ZMIZ2: variants seen among roughly 807,000 people sequenced by gnomAD.
ZMIZ2 encodes zinc finger MIZ domain-containing protein 2.
Under a neutral mutation model 93.9 loss-of-function variants are expected in ZMIZ2, and 26 were observed. That is an observed-to-expected ratio of 0.28 (90% CI 0.20 to 0.38). The LOEUF (loss-of-function observed/expected upper bound fraction) is 0.38, where lower values mean the gene tolerates loss of function less well. ZMIZ2 is among the 10% of genes least tolerant of loss of function. The pLI is 1.00. For missense variants in ZMIZ2, 1,023 were observed against 1,235.0 expected (o/e 0.83, Z 2.57); for synonymous variants, 485 against 516.4 (o/e 0.94, Z 0.82).
In ZMIZ2 at chr7:44,766,533, C is replaced by T. The variant is rs1373219323; in HGVS notation, c.2525C>T (p.Pro842Leu). ...GPQLHHSNPPPASRQSLGQAS... is the reference protein window; with the variant it reads ...GPQLHHSNPPLASRQSLGQAS... ...CAGCTGCACCATTCAAACCCTCCCC[C>T]AGCGTCCCGGCAGTCCTTGGGCCAA... Residue 842 changes from proline (P) to leucine (L), a missense_variant, in exon 18 of 19, where the codon CCA (proline) becomes CTA (leucine). Physicochemically the swap from Pro to Leu is moderately conservative, Grantham distance 98 (BLOSUM62 -3). Transcript: ENST00000309315. This position sits in a 1 kb window ranked among gnomAD's most constrained non-coding sequence, Gnocchi z 4.4. 1.2e-6 allele frequency: 2 copies of T among 1,614,104 alleles called. No homozygotes were observed. The highest frequency in any genetic ancestry group is 2.2e-5 in the East Asian group (1 of 44,884).
At chr7:44,764,235 A>G (rs910524952) in intron 13 of ZMIZ2, among the ~76,000 whole-genome samples, 184 bp from the exon 14 acceptor site, 4 of 152,176 alleles carry the variant, frequency 2.6e-5, no homozygotes, top group Non-Finnish European at 5.9e-5. Context: ...TCTCAGTGAG[A>G]GCTGTTTGGG....
At chr7:44,759,260 G>T in intron 6 of ZMIZ2, 21 bp from the exon 7 acceptor site, 2 of 1,475,652 alleles carry the variant, frequency 1.4e-6, no homozygotes, top group South Asian at 1.4e-5. Flanking sequence ...TCTCCCCTCG[G>T]GCATTTTGCC....
rs1190489145 is a variant in ZMIZ2 at position 44,765,552 on chromosome 7, C to T, written c.2215C>T (p.Pro739Ser). 5.8e-6 allele frequency: 8 copies of T among 1,386,276 alleles called. No homozygotes were observed. The highest frequency in any genetic ancestry group is 1.5e-5 in the African/African-American group (1 of 67,328). The allele number at this position is 1,386,276 out of a possible 1,614,324, so 85.9% of individuals were successfully genotyped here. A position where few individuals can be genotyped will look rare whatever the true frequency, so the allele number is the denominator to read the frequency against. The change falls in exon 16 of 19, where the codon CCT (proline) becomes TCT (serine). Residue 739 changes from proline to serine, a missense_variant. Physicochemically the swap from Pro to Ser is moderately conservative, Grantham distance 74. Around this residue, in one of 3 missense-constraint regions of ZMIZ2, gnomAD observed 319 missense variants for 358.8 expected, o/e 0.89. Coordinates refer to ENST00000309315, the MANE Select transcript of ZMIZ2 (RefSeq NM_031449.4). This position sits in a 1 kb window ranked among gnomAD's most constrained non-coding sequence, Gnocchi z 4.1. ...PFAPLQPPSV[P>S]APSDYPGQGS... is the part of the protein sequence containing the mutation. Reference sequence around the variant, plus strand: ...TGCCCCCCTGCAGCCCCCCTCAGTCCCTGCCCCCAGCGACTACCCTGGCCA... The same window carrying T: ...TGCCCCCCTGCAGCCCCCCTCAGTCTCTGCCCCCAGCGACTACCCTGGCCA...
Position 44,760,345 on chromosome 7 carries a change from C to T in ZMIZ2, c.1072-80C>T, listed in dbSNP as rs571170571. ...CCTGTCCACCTCTGTTATCATGGTT[C>T]CCAGTGGGTGCGCCGTGAACAGACT... On this transcript the variant is annotated intron_variant, in intron 8 of 18. Coordinates refer to ENST00000309315, the MANE Select transcript of ZMIZ2 (RefSeq NM_031449.4). 2.4e-5 allele frequency: 38 copies of T among 1,578,782 alleles called. No homozygotes were observed. In the South Asian group the frequency reaches 4.2e-4, roughly 17 times the overall value.
Position 44,763,140 on chromosome 7 carries a change from G to A in ZMIZ2, c.1703-116G>A. On this transcript the variant is annotated intron_variant, in intron 12 of 18. Coordinates refer to ENST00000309315, the MANE Select transcript of ZMIZ2 (RefSeq NM_031449.4). This position sits in a 1 kb window ranked among gnomAD's most constrained non-coding sequence, Gnocchi z 5.6. ...GTAGGGGCAGTGGTTAGTTCCAGGT[G>A]GCCCCTCAGAGCTGTCAGTGGGTCA... 6.7e-7 allele frequency: 1 copy of A among 1,486,480 alleles called. No individual in the cohort carries two copies. The highest frequency in any genetic ancestry group is 1.3e-5 in the South Asian group (1 of 79,872). The allele number at this position is 1,486,480 out of a possible 1,614,324, so 92.1% of individuals were successfully genotyped here. A position where few individuals can be genotyped will look rare whatever the true frequency, so the allele number is the denominator to read the frequency against.
chr7:44,769,550 C>G lies in ZMIZ2; in HGVS notation c.*1927C>G, dbSNP rs1367240650. ...GTCGCTGGGTGCGGAGACAGCCTGG[C>G]AAAGTCCCACTCAGCCATGGCCTGA... On this transcript the variant is annotated 3_prime_UTR_variant, in exon 19 of 19. Coordinates refer to ENST00000309315, the MANE Select transcript of ZMIZ2 (RefSeq NM_031449.4). The G allele has an allele frequency of 1.3e-5, 2 of 152,738 alleles. No homozygotes were observed. The highest frequency in any genetic ancestry group is 2.9e-5 in the Non-Finnish European group (2 of 68,128). 9.5% of individuals were successfully genotyped at this position (152,738 alleles called of 1,614,324 possible).
In ZMIZ2 at chr7:44,765,344, T is replaced by C. The variant is rs992242257; in HGVS notation, c.2007T>C (p.Tyr669=). The C allele has an allele frequency of 1.9e-6, 3 of 1,613,304 alleles. No homozygotes were observed. Among genetic ancestry groups the C allele is most frequent in the Admixed American group, 3.3e-5 (2 of 60,002 alleles). ...ACCTGTCCCTGCCCAGCTCTGACTATGAGGAGATCACCATCGACCCCACGT... is the reference window on the plus strand; with the variant it reads ...ACCTGTCCCTGCCCAGCTCTGACTACGAGGAGATCACCATCGACCCCACGT... ...GILIYIQNSD[Y]EEITIDPTCS... Residue 669 remains tyrosine, a synonymous_variant, in exon 16 of 19, where the codon TAT becomes TAC. Coordinates refer to ENST00000309315, the MANE Select transcript of ZMIZ2 (RefSeq NM_031449.4). The surrounding 1 kb of genome is among the most constrained non-coding windows in gnomAD (Gnocchi z 4.1).
intron 3 of ZMIZ2, 62 bp downstream of exon 3, chr7:44,756,601 T>C: frequency 6.5e-7 from 1 of 1,528,440 alleles, no homozygotes; most frequent in Non-Finnish European, 9.1e-7. Flanking sequence ...TGGCAGTGCT[T>C]AGTGCCTCCT....
chr7:44,764,710 C>T (rs1353901061), intron 14 of ZMIZ2, among the ~76,000 whole-genome samples: 1 of 152,224 alleles, frequency 6.6e-6, no homozygotes, highest in Non-Finnish European at 1.5e-5. Context: ...AGGGTCACCA[C>T]ATGCACAGGA....
intron 6 of ZMIZ2, 21 bp from the exon 7 acceptor site, chr7:44,759,252 TCCCCTCGG>T: frequency 1.4e-6 from 2 of 1,465,206 alleles, no homozygotes; most frequent in African/African-American, 1.5e-5. Context: ...GCCTTTTTTC[TCCCCTCGG>T]GCATTTTGCC....
rs373673708 is a variant in ZMIZ2, at chr7:44,758,056, C to T, written c.761C>T (p.Pro254Leu). Reference protein sequence around the residue: ...QRLPQHGYPGPPQAQPLPRQG... With the variant: ...QRLPQHGYPGLPQAQPLPRQG... ...CTGCCCCAACATGGGTATCCTGGGC[C>T]TCCCCAGGCCCAGCCACTGCCCCGA... The change falls in exon 6 of 19, where the codon CCT (proline) becomes CTT (leucine). Residue 254 changes from proline to leucine, a missense_variant. This residue lies in a region of ZMIZ2 where 656 missense variants were observed against 777.1 expected (regional missense o/e 0.84). Coordinates refer to ENST00000309315, the MANE Select transcript of ZMIZ2 (RefSeq NM_031449.4). The T allele has an allele frequency of 6.2e-7, 1 of 1,603,278 alleles. No individual in the cohort carries two copies. The highest frequency in any genetic ancestry group is 8.5e-7 in the Non-Finnish European group (1 of 1,175,394).
intron 6 of ZMIZ2, among the ~76,000 whole-genome samples, chr7:44,758,548 G>T (rs1269134428): frequency 1.3e-5 from 2 of 151,986 alleles, no homozygotes; most frequent in East Asian, 3.9e-4. Flanking sequence ...GGCTGAGGCA[G>T]GTGGATCACT....
rs1360360938 is a variant in ZMIZ2, at chr7:44,748,961, A to G, written c.-93A>G. On this transcript the variant is annotated 5_prime_UTR_variant, in exon 1 of 19. Coordinates refer to ENST00000309315, the MANE Select transcript of ZMIZ2 (RefSeq NM_031449.4). ...GGAGCGGCGCGGGCCGGGGGCCGCC[A>G]CGGCGAGGGGCCGGGCCAGGCCGGG... 1 of 148,830 alleles carries G rather than the reference A, an allele frequency of 6.7e-6. No individual in the cohort carries two copies. The highest frequency in any genetic ancestry group is 6.7e-5 in the Admixed American group (1 of 14,902). The allele number at this position is 148,830 out of a possible 1,614,324, so 9.2% of individuals were successfully genotyped here.
At position 44,765,217 on chromosome 7, in the gene ZMIZ2, G is replaced by A. The variant is rs1422628960; in HGVS notation, c.1998-118G>A. Reference sequence around the variant, plus strand: ...CTGCTCGATGTGGAAGGTGCTGGGTGGAAGCAAGCATTTGAGTGGGGGAAC... The same window carrying A: ...CTGCTCGATGTGGAAGGTGCTGGGTAGAAGCAAGCATTTGAGTGGGGGAAC... On this transcript the variant is annotated intron_variant, in intron 15 of 18. Transcript: ENST00000309315. The surrounding 1 kb of genome is among the most constrained non-coding windows in gnomAD (Gnocchi z 4.1). 1 of 1,546,734 alleles carries A rather than the reference G, an allele frequency of 6.5e-7. No homozygotes were observed. Among genetic ancestry groups the A allele is most frequent in the South Asian group, 1.2e-5 (1 of 81,546 alleles).
rs746170103 is a variant in ZMIZ2 at position 44,766,629 on chromosome 7, C to T, written c.2621C>T (p.Ser874Phe). The change falls in exon 18 of 19, where the codon TCT becomes TTT. Residue 874 changes from serine (S) to phenylalanine (F), a missense_variant. Physicochemically the swap from Ser to Phe is radical, Grantham distance 155. Transcript: ENST00000309315. This position sits in a 1 kb window ranked among gnomAD's most constrained non-coding sequence, Gnocchi z 4.4. ...GGCGTGATGGGGCCCCCCAGCATGT[C>T]TGGAGCCGGGGAGGCCCCAGAACCA... ...ATGVMGPPSM[S>F]GAGEAPEPAL... 1 of 1,613,272 alleles carries T rather than the reference C, an allele frequency of 6.2e-7. No individual in the cohort carries two copies.
chr7:44,751,759 C>T (rs892097472), intron 1 of ZMIZ2, among the ~76,000 whole-genome samples: 10 of 152,168 alleles, frequency 6.6e-5, no homozygotes, highest in African/African-American at 2.2e-4. Flanking sequence ...AGTTCAAGAC[C>T]AGCCTGGCCA....
At position 44,764,974 on chromosome 7, in the gene ZMIZ2, C is replaced by T. The variant is rs2116879640; in HGVS notation, c.1962C>T (p.Asp654=). 3 of 1,614,234 alleles carry T rather than the reference C, an allele frequency of 1.9e-6. No homozygotes were observed. In the South Asian group the frequency reaches 3.3e-5, roughly 18 times the overall value. ...CTTTGCTGGAGGGCCTGGAGGTGGACCAGTACATGCTGGGCATCCTGATTT... is the reference window on the plus strand; with the variant it reads ...CTTTGCTGGAGGGCCTGGAGGTGGATCAGTACATGCTGGGCATCCTGATTT... The part of the protein sequence containing the change: ...KTALLEGLEV[D]QYMLGILIYI... Residue 654 remains aspartate, a synonymous_variant, in exon 15 of 19, where the codon GAC becomes GAT. Transcript: ENST00000309315.
In ZMIZ2 at chr7:44,757,391, C is replaced by G. The variant is rs201911821; in HGVS notation, c.382C>G (p.Pro128Ala). ...PGFTTGYAGGPGGLGLPSHAA... is the reference protein window; with the variant it reads ...PGFTTGYAGGAGGLGLPSHAA... ...TGTCTCCTGCAGGTATGCAGGCGGC[C>G]CGGGGGGCCTGGGCCTCCCCTCACA... Residue 128 changes from proline to alanine, a missense_variant, in exon 5 of 19, where the codon CCG (proline) becomes GCG (alanine). Around this residue, in one of 3 missense-constraint regions of ZMIZ2, gnomAD observed 656 missense variants for 777.1 expected, o/e 0.84. Coordinates refer to ENST00000309315, the MANE Select transcript of ZMIZ2 (RefSeq NM_031449.4). 5.7e-4 allele frequency: 908 copies of G among 1,600,798 alleles called. 2 individuals carry two copies. The highest frequency in any genetic ancestry group is 7.3e-4 in the Non-Finnish European group (860 of 1,179,144).
Position 44,768,021 on chromosome 7 carries a change from C to T in ZMIZ2, c.*398C>T. 3.6e-6 allele frequency: 1 copy of T among 278,160 alleles called. No individual in the cohort carries two copies. The allele number at this position is 278,160 out of a possible 1,614,324, so 17.2% of individuals were successfully genotyped here. ...TCCAGCATTGATCCTTCTGTTTCAA[C>T]AACTCCTCCACTGGGCAGAGCTGGG... On this transcript the variant is annotated 3_prime_UTR_variant, in exon 19 of 19. Coordinates refer to ENST00000309315, the MANE Select transcript of ZMIZ2 (RefSeq NM_031449.4).
Sources: gnomAD v4.1 joint callset for allele counts (sites outside exome capture counted in the v4.1 genomes callset) on GRCh38, gnomAD v4.1.1 for gene constraint, gnomAD v4.1.1 regional missense constraint, Gnocchi (gnomAD v3.1) non-coding constraint, MANE v1.5 for transcripts, NCBI Gene and HGNC (gene_info 2026-07-23, HGNC 2026-07-21) for gene names.